Variants in MIPOL1 observed in about 807,000 individuals in gnomAD.
MIPOL1 encodes mirror-image polydactyly 1.
In MIPOL1, 57 loss-of-function variants were observed where a neutral mutation model predicts 60.9. That is an observed-to-expected ratio of 0.94 (90% CI 0.76 to 1.17). The LOEUF (loss-of-function observed/expected upper bound fraction) is 1.17, where lower values mean the gene tolerates loss of function less well. Ranked by LOEUF, MIPOL1 falls within the 50% of genes most tolerant of loss-of-function variation. The pLI is 0.00. For missense variants in MIPOL1, 551 were observed against 511.6 expected (o/e 1.08, Z -0.74); for synonymous variants, 179 against 168.8 (o/e 1.06, Z -0.47).
At chr14:37,428,443 T>C (rs2094003666) in intron 11 of MIPOL1, among the ~76,000 whole-genome samples, 1 of 151,950 alleles carries the variant, frequency 6.6e-6, no homozygotes, top group African/African-American at 2.4e-5. Flanking sequence ...ATACAAAATT[T>C]AGCAAGGCAT....
intron 10 of MIPOL1, among the ~76,000 whole-genome samples, chr14:37,421,338 C>T (rs1416445874): frequency 2.0e-5 from 3 of 152,020 alleles, no homozygotes; most frequent in Admixed American, 6.6e-5. Flanking sequence ...CTCTATTACC[C>T]GTTCAGTATT....
intron 9 of MIPOL1, among the ~76,000 whole-genome samples, chr14:37,341,974 G>A (rs188385484): frequency 4.0e-4 from 61 of 152,072 alleles, no homozygotes; most frequent in African/African-American, 1.4e-3. Flanking sequence ...AACTCATAAG[G>A]CACACATCAA....
intron 10 of MIPOL1, among the ~76,000 whole-genome samples, chr14:37,391,095 G>A (rs1006160631): frequency 6.6e-6 from 1 of 152,024 alleles, no homozygotes. Context: ...AATAACAGAA[G>A]TCAAAAGAGA....
At chr14:37,314,684 C>T (rs1256609461) in intron 9 of MIPOL1, among the ~76,000 whole-genome samples, 2 of 152,110 alleles carry the variant, frequency 1.3e-5, no homozygotes, top group Non-Finnish European at 2.9e-5. Context: ...CTGTTACAGG[C>T]CTTATCACAC....
intron 9 of MIPOL1, among the ~76,000 whole-genome samples, chr14:37,319,786 CTCTT>C (rs2088356972): frequency 6.6e-6 from 1 of 152,112 alleles, no homozygotes; most frequent in Admixed American, 6.6e-5. Context: ...CTCCAGGAGG[CTCTT>C]TCTTGTCTCT....
intron 3 of MIPOL1, among the ~76,000 whole-genome samples, chr14:37,250,976 C>T (rs974732118): frequency 6.6e-6 from 1 of 151,932 alleles, no homozygotes; most frequent in Admixed American, 6.6e-5. Context: ...TTGTTTTTGT[C>T]ATTGTAGACA....
chr14:37,266,891 G>A, intron 3 of MIPOL1, 47 bp from the exon 4 acceptor site: 1 of 1,244,872 alleles, frequency 8.0e-7, no homozygotes, highest in African/African-American at 1.5e-5. Flanking sequence ...TTAATATGCA[G>A]TTATGGTGTT....
At chr14:37,442,960 A>G (rs560633098) in intron 11 of MIPOL1, among the ~76,000 whole-genome samples, 9 of 152,290 alleles carry the variant, frequency 5.9e-5, no homozygotes, top group African/African-American at 1.4e-4. Context: ...CTTTGTAGAA[A>G]TTGAATTCTA....
intron 1 of MIPOL1, among the ~76,000 whole-genome samples, chr14:37,209,323 T>C (rs944684843): frequency 6.6e-6 from 1 of 152,212 alleles, no homozygotes; most frequent in Non-Finnish European, 1.5e-5. Flanking sequence ...TTTGTATTTT[T>C]TATTATTGCC....
At chr14:37,432,047 A>G (rs962549589) in intron 11 of MIPOL1, among the ~76,000 whole-genome samples, 3 of 152,186 alleles carry the variant, frequency 2.0e-5, no homozygotes, top group Non-Finnish European at 2.9e-5. Context: ...TCAATATTCC[A>G]TGGACACACC....
chr14:37,364,526 T>G (rs2092403666), intron 9 of MIPOL1, among the ~76,000 whole-genome samples: 1 of 152,160 alleles, frequency 6.6e-6, no homozygotes. Context: ...TGTTAAAAAT[T>G]AGTTCACTGT....
intron 9 of MIPOL1, among the ~76,000 whole-genome samples, chr14:37,363,165 TG>T (rs1367024609): frequency 6.6e-6 from 1 of 152,194 alleles, no homozygotes; most frequent in Non-Finnish European, 1.5e-5. Context: ...GGTGAGGAGC[TG>T]CGATCCTTTG....
At chr14:37,546,804 T>G in intron 12 of MIPOL1, 101 bp from the exon 13 acceptor site, 1 of 883,018 alleles carries the variant, frequency 1.1e-6, no homozygotes, top group Non-Finnish European at 1.8e-6. Flanking sequence ...CCGTGAGGAC[T>G]GCTTGGTCAC....
intron 6 of MIPOL1, among the ~76,000 whole-genome samples, chr14:37,282,287 G>A (rs555027968): frequency 1.3e-4 from 18 of 141,674 alleles, no homozygotes; most frequent in East Asian, 4.0e-4. Context: ...ATGGAGTTTC[G>A]CTCTCGTGCA....
At chr14:37,329,348 C>A (rs1339760439) in intron 9 of MIPOL1, among the ~76,000 whole-genome samples, 1 of 152,106 alleles carries the variant, frequency 6.6e-6, no homozygotes, top group African/African-American at 2.4e-5. Context: ...TTAATCAGTA[C>A]ACAAATATTT....
chr14:37,353,920 G>A (rs2091602018), intron 9 of MIPOL1, among the ~76,000 whole-genome samples: 1 of 151,832 alleles, frequency 6.6e-6, no homozygotes, highest in Admixed American at 6.6e-5. Flanking sequence ...GTTCTGCTCT[G>A]ATTTTAGTTA....
intron 12 of MIPOL1, among the ~76,000 whole-genome samples, chr14:37,533,433 T>A (rs916921350): frequency 9.9e-5 from 15 of 152,222 alleles, no homozygotes; most frequent in Non-Finnish European, 2.2e-4. Flanking sequence ...TCACTCTTAA[T>A]TTTTAACAAA....
At chr14:37,283,855 A>G (rs1193221397) in intron 6 of MIPOL1, among the ~76,000 whole-genome samples, 1 of 152,208 alleles carries the variant, frequency 6.6e-6, no homozygotes, top group Non-Finnish European at 1.5e-5. Context: ...ATCACAGTTA[A>G]AACTCATATT....
intron 9 of MIPOL1, among the ~76,000 whole-genome samples, chr14:37,334,643 A>T (rs773572174): frequency 6.6e-6 from 1 of 151,942 alleles, no homozygotes; most frequent in Non-Finnish European, 1.5e-5. Context: ...CCCTGTACCC[A>T]TTAATAGACA....
Sources: allele counts gnomAD v4.1 joint callset (sites outside exome capture counted in the v4.1 genomes callset), GRCh38; gene constraint gnomAD v4.1.1; transcripts MANE v1.5; gene names NCBI Gene and HGNC (gene_info 2026-07-23, HGNC 2026-07-21).